Variants in MYO1B observed in about 807,000 individuals in gnomAD.
MYO1B encodes unconventional myosin-Ib.
Under a neutral mutation model 159.7 loss-of-function variants are expected in MYO1B, and 72 were observed. The observed-to-expected ratio is 0.45, with a 90% CI of 0.37 to 0.55. MYO1B has a LOEUF of 0.55. MYO1B is among the 20% of genes least tolerant of loss of function. The pLI is 0.00. For synonymous variants in MYO1B, 468 were observed against 473.8 expected, an observed-to-expected ratio of 0.99 and a Z score of 0.16; for missense variants, 1,062 against 1,364.8, an observed-to-expected ratio of 0.78 and a Z score of 3.50.
intron 3 of MYO1B, among the ~76,000 whole-genome samples, chr2:191,300,519 T>A (rs1249247138): frequency 6.6e-6 from 1 of 151,924 alleles, no homozygotes; most frequent in Non-Finnish European, 1.5e-5. Flanking sequence ...AATTTTTGTA[T>A]TTTTAGTAGA....
In MYO1B at chr2:191,392,092, AT is replaced by A. The variant is rs1397035272; in HGVS notation, c.1983-11del. The A allele has an allele frequency of 2.5e-6, 4 of 1,575,326 alleles. No homozygotes were observed. The Admixed American group carries it at 5.1e-5, about 20-fold the overall frequency. ...GTAACTCAGAAAACTCACTGTTTTT[AT>A]TTTTATTTTTTTAGGTCTGGTGTGG... On this transcript the variant is annotated splice_polypyrimidine_tract_variant and intron_variant, in intron 18 of 30. Transcript: ENST00000392318.
intron 1 of MYO1B, among the ~76,000 whole-genome samples, chr2:191,255,006 CA>C (rs2125670618): frequency 6.6e-6 from 1 of 152,228 alleles, no homozygotes; most frequent in African/African-American, 2.4e-5. Context: ...TAGCTCACTG[CA>C]GGATCGAACT....
At chr2:191,340,776 A>G (rs1692170193) in intron 4 of MYO1B, among the ~76,000 whole-genome samples, 1 of 151,436 alleles carries the variant, frequency 6.6e-6, no homozygotes. Context: ...CCAAGGCTGG[A>G]GTGCAGTGGT....
intron 1 of MYO1B, among the ~76,000 whole-genome samples, chr2:191,275,028 T>C (rs190936980): frequency 6.6e-5 from 10 of 152,256 alleles, no homozygotes; most frequent in Admixed American, 5.9e-4. Context: ...TGCCTCAGCC[T>C]CCTGAGTAGC....
chr2:191,313,551 A>C (rs1288234631), intron 3 of MYO1B, among the ~76,000 whole-genome samples: 4 of 151,950 alleles, frequency 2.6e-5, no homozygotes, highest in African/African-American at 9.7e-5. Context: ...CACCCAGCTA[A>C]TTTTTTGTAT....
Position 191,341,466 on chromosome 2 carries a change from A to G in MYO1B, c.352A>G (p.Ser118Gly). Residue 118 changes from serine (S) to glycine (G), a missense_variant, in exon 5 of 31, where the codon AGT (serine) becomes GGT (glycine). This residue lies in a region of MYO1B where 415 missense variants were observed against 544.0 expected (regional missense o/e 0.76). Coordinates refer to ENST00000392318, the MANE Select transcript of MYO1B (RefSeq NM_001130158.3). ...GESGAGKTEA[S>G]KLVMSYVAAV... ...TGGCTTATTTTCATCCACAGAGGCC[A>G]GTAAGCTTGTCATGTCCTATGTGGC... The G allele has an allele frequency of 1.9e-6, 3 of 1,613,548 alleles. No homozygotes were observed. Among genetic ancestry groups the G allele is most frequent in the Non-Finnish European group, 2.5e-6 (3 of 1,179,784 alleles).
At chr2:191,261,836 CAAAG>C (rs1444530868) in intron 1 of MYO1B, among the ~76,000 whole-genome samples, 1 of 151,972 alleles carries the variant, frequency 6.6e-6, no homozygotes, top group Non-Finnish European at 1.5e-5. Context: ...GACATATACT[CAAAG>C]AAAAGGCTCC....
chr2:191,255,058 G>A (rs1686355351), intron 1 of MYO1B, among the ~76,000 whole-genome samples: 1 of 151,772 alleles, frequency 6.6e-6, no homozygotes, highest in African/African-American at 2.4e-5. Flanking sequence ...CTCCCAAGCA[G>A]CTAGGACTAC....
chr2:191,320,808 GC>G (rs1191512111), intron 3 of MYO1B, among the ~76,000 whole-genome samples: 1 of 151,792 alleles, frequency 6.6e-6, no homozygotes, highest in Non-Finnish European at 1.5e-5. Flanking sequence ...GAAGTTGATA[GC>G]CTTTTACCGC....
intron 18 of MYO1B, among the ~76,000 whole-genome samples, chr2:191,391,162 T>C (rs1420887147): frequency 2.6e-5 from 4 of 152,196 alleles, no homozygotes; most frequent in Non-Finnish European, 4.4e-5. Flanking sequence ...TCAAGCCTTA[T>C]TCCTTCTGCC....
At chr2:191,362,979 T>C (rs1411027412) in intron 9 of MYO1B, among the ~76,000 whole-genome samples, 1 of 152,184 alleles carries the variant, frequency 6.6e-6, no homozygotes, top group African/African-American at 2.4e-5. Context: ...TTGTTGAGGG[T>C]GAGTGAAAGG....
chr2:191,307,806 G>A (rs1047385912), intron 3 of MYO1B, among the ~76,000 whole-genome samples: 1 of 152,110 alleles, frequency 6.6e-6, no homozygotes, highest in African/African-American at 2.4e-5. Context: ...AGGATGATAC[G>A]TTTTTTAACA....
rs75979636 is a variant in MYO1B, at chr2:191,414,795, C to T, written c.3159+126C>T. ...CTAATTTGCAAATTTTGGATATTCACCCCTATGTAAAATCTCCGACTCAGT... is the reference window on the plus strand; with the variant it reads ...CTAATTTGCAAATTTTGGATATTCATCCCTATGTAAAATCTCCGACTCAGT... On this transcript the variant is annotated intron_variant, in intron 29 of 30. Coordinates refer to ENST00000392318, the MANE Select transcript of MYO1B (RefSeq NM_001130158.3). 10 of 934,072 alleles carry T rather than the reference C, an allele frequency of 1.1e-5. No individual in the cohort carries two copies. The African/African-American group carries it at 1.4e-4, about 13-fold the overall frequency. 57.9% of individuals were successfully genotyped at this position (934,072 alleles called of 1,614,324 possible). A position where few individuals can be genotyped will look rare whatever the true frequency, so the allele number is the denominator to read the frequency against.
Position 191,381,528 on chromosome 2 carries a change from C to T in MYO1B, c.1252C>T (p.Leu418Phe). Residue 418 changes from leucine to phenylalanine, a missense_variant, in exon 14 of 31, where the codon CTT becomes TTT. Coordinates refer to ENST00000392318, the MANE Select transcript of MYO1B (RefSeq NM_001130158.3). Reference sequence around the variant, plus strand: ...AAAGCTGCAACAAATCTTCATTGAACTTACTCTTAAAGAAGAGCAGGAGGA... The same window carrying T: ...AAAGCTGCAACAAATCTTCATTGAATTTACTCTTAAAGAAGAGCAGGAGGA... ...NEKLQQIFIE[L>F]TLKEEQEEYI... The T allele has an allele frequency of 1.9e-6, 3 of 1,613,380 alleles. No homozygotes were observed. The highest frequency in any genetic ancestry group is 2.5e-6 in the Non-Finnish European group (3 of 1,179,616).
At chr2:191,415,762 T>C (rs1697525495) in intron 29 of MYO1B, among the ~76,000 whole-genome samples, 2 of 152,312 alleles carry the variant, frequency 1.3e-5, no homozygotes, top group Admixed American at 6.5e-5. Flanking sequence ...GATAGGTCCA[T>C]GCTCCTCAAA....
chr2:191,352,959 G>A (rs1470847781), intron 7 of MYO1B, among the ~76,000 whole-genome samples: 1 of 152,174 alleles, frequency 6.6e-6, no homozygotes, highest in East Asian at 1.9e-4. Flanking sequence ...CAGCTGCTTA[G>A]TGAAAGCATA....
chr2:191,301,056 C>G (rs1689298779), intron 3 of MYO1B, among the ~76,000 whole-genome samples: 1 of 152,134 alleles, frequency 6.6e-6, no homozygotes. Context: ...CTCTGCGGCT[C>G]CTTTCCTTCT....
chr2:191,274,993 T>G lies in MYO1B; in HGVS notation c.-9-1894T>G, dbSNP rs991683002. ...CGCAATCTCGGCTCACTGCAAGCTC[T>G]GCCTCCCAGGTTCAAGCAGTTCGCT... On this transcript the variant is annotated intron_variant, in intron 1 of 30. Coordinates refer to ENST00000392318, the MANE Select transcript of MYO1B (RefSeq NM_001130158.3). Among the ~76,000 whole-genome samples, 11 of 152,280 alleles carry G rather than the reference T, an allele frequency of 7.2e-5. No homozygotes were observed. The South Asian group carries it at 2.3e-3, about 32-fold the overall frequency.
chr2:191,264,331 G>A (rs1448767379), intron 1 of MYO1B, among the ~76,000 whole-genome samples: 1 of 152,004 alleles, frequency 6.6e-6, no homozygotes, highest in Non-Finnish European at 1.5e-5. Flanking sequence ...TTATTTTAGT[G>A]GATTACTGCT....
Sources: gnomAD v4.1 joint callset for allele counts (sites outside exome capture counted in the v4.1 genomes callset) on GRCh38, gnomAD v4.1.1 for gene constraint, gnomAD v4.1.1 regional missense constraint, MANE v1.5 for transcripts, NCBI Gene and HGNC (gene_info 2026-07-23, HGNC 2026-07-21) for gene names.